The following SEC24D variants were observed in gnomAD, a reference collection of about 807,000 sequenced individuals.
The protein encoded by SEC24D is protein transport protein Sec24D.
SEC24D carries 69 observed loss-of-function variants against 116.9 expected under a neutral mutation model. The ratio of observed to expected loss-of-function variants is 0.59; its 90% CI spans 0.49 to 0.72. SEC24D has a LOEUF of 0.72. Among genes scored for constraint, SEC24D ranks in the 30% least tolerant of loss-of-function variants. The pLI is 0.00. For synonymous variants in SEC24D, 405 were observed against 442.8 expected, an observed-to-expected ratio of 0.91 and a Z score of 1.07; for missense variants, 1,131 against 1,264.1, an observed-to-expected ratio of 0.89 and a Z score of 1.60.
At chr4:118,734,355 G>A (rs1430641730) in intron 19 of SEC24D, among the ~76,000 whole-genome samples, 1 of 151,804 alleles carries the variant, frequency 6.6e-6, no homozygotes, top group Non-Finnish European at 1.5e-5. Flanking sequence ...TGGGATTACA[G>A]GCATGTACCA....
intron 11 of SEC24D, 39 bp from the exon 12 acceptor site, chr4:118,752,927 A>C: frequency 6.9e-7 from 1 of 1,439,498 alleles, no homozygotes; most frequent in South Asian, 1.3e-5. Context: ...TGCTTTATAA[A>C]TTTAGATGAA....
At chr4:118,728,314 G>A (rs1003196575) in intron 22 of SEC24D, among the ~76,000 whole-genome samples, 2 of 152,192 alleles carry the variant, frequency 1.3e-5, no homozygotes, top group African/African-American at 4.8e-5. Context: ...ATTAAATCAT[G>A]AAGTTAATAC....
At chr4:118,810,878 T>C (rs966918333) in intron 6 of SEC24D, among the ~76,000 whole-genome samples, 4 of 151,872 alleles carry the variant, frequency 2.6e-5, no homozygotes, top group Admixed American at 2.0e-4. Flanking sequence ...TGAGGAGACA[T>C]TAACAAAGGA....
In SEC24D at chr4:118,723,416, G is replaced by A; in HGVS notation, c.*99C>T. On this transcript the variant is annotated 3_prime_UTR_variant, in exon 23 of 23. Coordinates refer to ENST00000280551, the MANE Select transcript of SEC24D (RefSeq NM_014822.4). ...TCCTGGAAAGTTATTCTGAAAATGA[G>A]CAAGAAATCAAAACTAGCCTATTAT... is the stretch of plus-strand genomic sequence containing the variant. The A allele has an allele frequency of 8.0e-7, 1 of 1,250,430 alleles. No individual in the cohort carries two copies. The highest frequency in any genetic ancestry group is 1.5e-5 in the South Asian group (1 of 65,624). The allele number at this position is 1,250,430 out of a possible 1,614,324, so 77.5% of individuals were successfully genotyped here.
At chr4:118,731,952 C>T (rs1281565990) in intron 20 of SEC24D, among the ~76,000 whole-genome samples, 9 of 151,660 alleles carry the variant, frequency 5.9e-5, no homozygotes, top group African/African-American at 2.2e-4. Flanking sequence ...AAAGCAAGGG[C>T]CCAAATGGAG....
At chr4:118,791,738 C>T (rs1392574441) in intron 8 of SEC24D, among the ~76,000 whole-genome samples, 1 of 152,194 alleles carries the variant, frequency 6.6e-6, no homozygotes, top group Admixed American at 6.5e-5. Flanking sequence ...GCTGGCCGGG[C>T]TGGTCTCCAG....
chr4:118,776,513 C>T (rs1357036080), intron 8 of SEC24D, among the ~76,000 whole-genome samples: 1 of 152,138 alleles, frequency 6.6e-6, no homozygotes, highest in Non-Finnish European at 1.5e-5. Flanking sequence ...TAGTTCATAA[C>T]TAAACTATCA....
At chr4:118,731,884 A>G (rs1725701661) in intron 20 of SEC24D, among the ~76,000 whole-genome samples, 1 of 152,180 alleles carries the variant, frequency 6.6e-6, no homozygotes, top group Admixed American at 6.5e-5. Flanking sequence ...AGAAGGTGCC[A>G]TCGGGACAAC....
chr4:118,766,179 T>C (rs905312222), intron 9 of SEC24D, among the ~76,000 whole-genome samples: 6 of 152,236 alleles, frequency 3.9e-5, no homozygotes, highest in African/African-American at 1.4e-4. Flanking sequence ...TTTTATTTTA[T>C]ATTCATTAGC....
At chr4:118,765,351 T>A (rs1178517758) in intron 9 of SEC24D, among the ~76,000 whole-genome samples, 1 of 152,250 alleles carries the variant, frequency 6.6e-6, no homozygotes, top group African/African-American at 2.4e-5. Flanking sequence ...AATTAAGAGA[T>A]GTCTTCACCC....
intron 8 of SEC24D, among the ~76,000 whole-genome samples, chr4:118,777,516 G>A (rs1057441344): frequency 2.0e-5 from 3 of 152,206 alleles, no homozygotes; most frequent in Non-Finnish European, 2.9e-5. Flanking sequence ...ATCATGGATG[G>A]ACATTTGGGT....
chr4:118,790,439 T>C (rs965297091), intron 8 of SEC24D, among the ~76,000 whole-genome samples: 1 of 152,174 alleles, frequency 6.6e-6, no homozygotes, highest in Non-Finnish European at 1.5e-5. Flanking sequence ...TTCTACACCA[T>C]ACTACCTCAG....
intron 7 of SEC24D, among the ~76,000 whole-genome samples, chr4:118,805,117 C>T (rs113602956): frequency 4.8e-4 from 73 of 152,216 alleles, no homozygotes; most frequent in African/African-American, 1.7e-3. Flanking sequence ...CACTGTGCTA[C>T]CCACTCTATA....
intron 11 of SEC24D, among the ~76,000 whole-genome samples, chr4:118,754,631 G>C (rs1726996972): frequency 6.6e-6 from 1 of 152,088 alleles, no homozygotes; most frequent in South Asian, 2.1e-4. Flanking sequence ...GTGAAAAACT[G>C]GATTTGGGAT....
chr4:118,773,033 C>T (rs1727974563), intron 8 of SEC24D, among the ~76,000 whole-genome samples: 1 of 152,128 alleles, frequency 6.6e-6, no homozygotes. Flanking sequence ...TTCTAATATA[C>T]ACACACAAAC....
chr4:118,810,413 T>C, intron 6 of SEC24D, among the ~76,000 whole-genome samples: 1 of 151,998 alleles, frequency 6.6e-6, no homozygotes, highest in African/African-American at 2.4e-5. Context: ...AAATATGAGA[T>C]GTGCAAGAAA....
chr4:118,740,613 T>C (rs1316074901), intron 17 of SEC24D, 50 bp downstream of exon 17: 1 of 1,597,140 alleles, frequency 6.3e-7, no homozygotes, highest in South Asian at 1.1e-5. Flanking sequence ...CACTGATCAT[T>C]GTCGGCAACA....
In SEC24D at chr4:118,827,407, G is replaced by A. The variant is rs528666129; in HGVS notation, c.119-2658C>T. Reference sequence around the variant, plus strand: ...AGAATTTTAATAGGAAAGGAACACCGTGCAATGAGAATGAACTGTTCTTAA... The same window carrying A: ...AGAATTTTAATAGGAAAGGAACACCATGCAATGAGAATGAACTGTTCTTAA... On this transcript the variant is annotated intron_variant, in intron 2 of 22. Coordinates refer to ENST00000280551, the MANE Select transcript of SEC24D (RefSeq NM_014822.4). 1.8e-4 allele frequency among the ~76,000 whole-genome samples: 27 copies of A among 152,186 alleles called. 1 individual carries two copies. The highest frequency in any genetic ancestry group is 5.3e-4 in the African/African-American group (22 of 41,508).
chr4:118,738,219 C>A, intron 19 of SEC24D, 42 bp downstream of exon 19: 1 of 1,312,242 alleles, frequency 7.6e-7, no homozygotes, highest in South Asian at 1.2e-5. Flanking sequence ...AATGAGTAGT[C>A]GTTTGTAACA....
Sources: allele counts gnomAD v4.1 joint callset (sites outside exome capture counted in the v4.1 genomes callset), GRCh38; gene constraint gnomAD v4.1.1; transcripts MANE v1.5; gene names NCBI Gene and HGNC (gene_info 2026-07-23, HGNC 2026-07-21).